Variants in GPHN observed in about 807,000 individuals in gnomAD.
GPHN encodes the protein gephyrin.
Under a neutral mutation model 95.5 loss-of-function variants are expected in GPHN, and 17 were observed. The ratio of observed to expected loss-of-function variants is 0.18; its 90% CI spans 0.12 to 0.27. The LOEUF is 0.27. Ranked by LOEUF, GPHN falls within the 10% of genes least tolerant of loss-of-function variation. The probability of loss-of-function intolerance (pLI) is 1.00; values close to 1 mark genes in which losing one functional copy is unlikely to be tolerated. For missense variants in GPHN, 660 were observed against 978.1 expected (o/e 0.67, Z 4.34); for synonymous variants, 320 against 322.5 (o/e 0.99, Z 0.08).
intron 2 of GPHN, among the ~76,000 whole-genome samples, chr14:66,719,511 G>A (rs2093295): frequency 0.35 from 52,421 of 151,810 alleles, 12,516 homozygotes; most frequent in African/African-American, 0.66. Context: ...CTGCAGGAGC[G>A]GTCCTCTTTC....
At chr14:67,596,368 T>C in the GPHN span, among the ~76,000 whole-genome samples, 2,748 of 136,694 alleles carry the variant, frequency 0.02, 74 homozygotes, top group African/African-American at 0.062. Flanking sequence ...CTCGAACTCC[T>C]GACCTCAGGC....
chr14:66,838,482 A>G (rs1230162767), intron 4 of GPHN, among the ~76,000 whole-genome samples: 1 of 152,182 alleles, frequency 6.6e-6, no homozygotes, highest in Non-Finnish European at 1.5e-5. Flanking sequence ...TTTAGCTTGA[A>G]TTTATCAGTG....
chr14:67,306,115 G>GCC, the GPHN span, among the ~76,000 whole-genome samples: 61 of 152,224 alleles, frequency 4.0e-4, no homozygotes, highest in Non-Finnish European at 1.5e-4. Flanking sequence ...GACTACAAGT[G>GCC]CATGCCACCA....
At chr14:67,324,725 T>C in the GPHN span, among the ~76,000 whole-genome samples, 1 of 151,824 alleles carries the variant, frequency 6.6e-6, no homozygotes, top group African/African-American at 2.4e-5. Flanking sequence ...GCTGGGACTA[T>C]AGCCATGCAC....
intron 9 of GPHN, among the ~76,000 whole-genome samples, chr14:66,998,734 TTC>T (rs1018664230): frequency 6.6e-6 from 1 of 152,040 alleles, no homozygotes. Flanking sequence ...TATCACTATC[TTC>T]TGTGTCATTC....
At chr14:67,112,610 A>C (rs2078441693) in intron 15 of GPHN, among the ~76,000 whole-genome samples, 1 of 152,180 alleles carries the variant, frequency 6.6e-6, no homozygotes, top group African/African-American at 2.4e-5. Context: ...AAAGCTAGCC[A>C]GCTGTGGACC....
At chr14:67,495,265 G>T in the GPHN span, among the ~76,000 whole-genome samples, 1 of 151,990 alleles carries the variant, frequency 6.6e-6, no homozygotes, top group Non-Finnish European at 1.5e-5. Flanking sequence ...CTTCCAATTT[G>T]GCCCTCCTTT....
the GPHN span, among the ~76,000 whole-genome samples, chr14:67,251,509 G>A: frequency 6.6e-6 from 1 of 152,108 alleles, no homozygotes; most frequent in Non-Finnish European, 1.5e-5. Flanking sequence ...CTTCAGCCTG[G>A]TCAACAGCAA....
At chr14:66,611,909 C>T (rs1273396846) in intron 1 of GPHN, among the ~76,000 whole-genome samples, 1 of 152,122 alleles carries the variant, frequency 6.6e-6, no homozygotes, top group Non-Finnish European at 1.5e-5. Context: ...CCTGTCATTA[C>T]AAACTTGAAT....
intron 9 of GPHN, among the ~76,000 whole-genome samples, chr14:66,989,538 T>C (rs961988675): frequency 2.0e-5 from 3 of 151,870 alleles, no homozygotes; most frequent in Admixed American, 6.6e-5. Flanking sequence ...TGTACTACTA[T>C]ATAATGATTA....
At chr14:67,235,365 TTTCC>T in the GPHN span, among the ~76,000 whole-genome samples, 2 of 152,086 alleles carry the variant, frequency 1.3e-5, no homozygotes, top group African/African-American at 4.8e-5. Context: ...GGGCTTGATC[TTTCC>T]TTCATTATAA....
the GPHN span, among the ~76,000 whole-genome samples, chr14:67,520,420 G>C: frequency 6.6e-6 from 1 of 152,148 alleles, no homozygotes; most frequent in Non-Finnish European, 1.5e-5. Context: ...ATGTCATATA[G>C]GTGAAATCAC....
intron 1 of GPHN, among the ~76,000 whole-genome samples, chr14:66,581,357 T>C (rs924742140): frequency 6.6e-6 from 1 of 151,916 alleles, no homozygotes; most frequent in Non-Finnish European, 1.5e-5. Flanking sequence ...AACTGTAAGA[T>C]GTTTCATGTA....
intron 9 of GPHN, among the ~76,000 whole-genome samples, chr14:66,989,989 A>G (rs974143294): frequency 4.6e-5 from 7 of 152,168 alleles, no homozygotes; most frequent in African/African-American, 1.7e-4. Flanking sequence ...ATTGCCATAA[A>G]GATACTACCT....
the GPHN span, among the ~76,000 whole-genome samples, chr14:67,699,916 C>A: frequency 6.6e-6 from 1 of 151,828 alleles, no homozygotes; most frequent in African/African-American, 2.4e-5. Flanking sequence ...CCGAGGTGGG[C>A]GGATCATGAG....
At chr14:66,617,381 G>A (rs60535068) in intron 1 of GPHN, among the ~76,000 whole-genome samples, 10,251 of 151,102 alleles carry the variant, frequency 0.068, 847 homozygotes, top group African/African-American at 0.19. Flanking sequence ...CATGGGTTGC[G>A]CAGTTCTGTG....
At chr14:66,805,752 C>A (rs1478238615) in intron 3 of GPHN, among the ~76,000 whole-genome samples, 1 of 152,196 alleles carries the variant, frequency 6.6e-6, no homozygotes, top group Non-Finnish European at 1.5e-5. Flanking sequence ...GAGGTGGGTT[C>A]CCATGGTCTT....
At chr14:67,573,786 A>G in the GPHN span, 1 of 1,580,524 alleles carries the variant, frequency 6.3e-7, no homozygotes, top group East Asian at 2.2e-5. This position sits in a 1 kb window ranked among gnomAD's most constrained non-coding sequence, Gnocchi z 4.8. Context: ...CTCCTCTCCA[A>G]TACTTTCTTT....
chr14:66,959,458 A>G (rs1056454949), intron 8 of GPHN, among the ~76,000 whole-genome samples: 1 of 152,100 alleles, frequency 6.6e-6, no homozygotes, highest in Non-Finnish European at 1.5e-5. Context: ...CAGATTTATG[A>G]GCAATGAACT....
Sources: allele counts gnomAD v4.1 joint callset (sites outside exome capture counted in the v4.1 genomes callset), GRCh38; gene constraint gnomAD v4.1.1; non-coding constraint Gnocchi (gnomAD v3.1); transcripts MANE v1.5; gene names NCBI Gene and HGNC (gene_info 2026-07-23, HGNC 2026-07-21).